Variants in PTPRD observed in about 807,000 individuals in gnomAD.
PTPRD encodes receptor-type tyrosine-protein phosphatase delta.
A neutral mutation model predicts 214.5 loss-of-function variants in PTPRD; 34 were observed. That is an observed-to-expected ratio of 0.16 (90% CI 0.12 to 0.21). The LOEUF (loss-of-function observed/expected upper bound fraction) is 0.21. Among genes scored for constraint, PTPRD ranks in the 10% least tolerant of loss-of-function variants. The pLI is 1.00. For synonymous variants in PTPRD, 1,128 were observed against 845.7 expected (o/e 1.33, Z -5.79); for missense variants, 2,545 against 2,398.7 (o/e 1.06, Z -1.27).
chr9:10,045,940 A>T (rs1013134071), intron 3 of PTPRD, among the ~76,000 whole-genome samples: 1 of 151,820 alleles, frequency 6.6e-6, no homozygotes, highest in African/African-American at 2.4e-5. Flanking sequence ...GAAAATCGTC[A>T]ATTAAAACTA....
At chr9:10,361,072 A>C (rs372679245) in intron 2 of PTPRD, among the ~76,000 whole-genome samples, 2 of 152,178 alleles carry the variant, frequency 1.3e-5, no homozygotes, top group African/African-American at 2.4e-5. Context: ...ACTGCACTCC[A>C]GCCTGGGCGA....
At chr9:8,980,631 T>G (rs540456406) in intron 11 of PTPRD, among the ~76,000 whole-genome samples, 1 of 152,256 alleles carries the variant, frequency 6.6e-6, no homozygotes, top group East Asian at 1.9e-4. Flanking sequence ...AGTTACATTT[T>G]CCTAAACAGA....
intron 9 of PTPRD, among the ~76,000 whole-genome samples, chr9:9,221,575 T>G (rs879272685): frequency 1.3e-5 from 2 of 152,018 alleles, no homozygotes; most frequent in Non-Finnish European, 2.9e-5. Flanking sequence ...TCTCCTTGTG[T>G]GCTCCATGGC....
intron 8 of PTPRD, among the ~76,000 whole-genome samples, chr9:9,492,602 T>A (rs760419228): frequency 1.3e-5 from 2 of 152,040 alleles, no homozygotes; most frequent in African/African-American, 4.8e-5. Flanking sequence ...AAATTCATCA[T>A]CTTTTCATAA....
chr9:9,178,364 C>T (rs2099926206), intron 10 of PTPRD, among the ~76,000 whole-genome samples: 1 of 151,108 alleles, frequency 6.6e-6, no homozygotes. Context: ...TCACTTCCTC[C>T]TTCCTTCTTT....
rs535005258 is a variant in PTPRD at position 9,619,286 on chromosome 9, T to G, written c.-286-44505A>C. Among the ~76,000 whole-genome samples the G allele has an allele frequency of 2.6e-5, 4 of 151,934 alleles. No homozygotes were observed. The South Asian group carries it at 6.2e-4, about 24-fold the overall frequency. Reference sequence around the variant, plus strand: ...TTGAAATGAAGTTGCAGTATCATTTTGAGACTAGACGATTAAGATACAGGA... The same window carrying G: ...TTGAAATGAAGTTGCAGTATCATTTGGAGACTAGACGATTAAGATACAGGA... On this transcript the variant is annotated intron_variant, in intron 7 of 45. Coordinates refer to ENST00000381196, the MANE Select transcript of PTPRD (RefSeq NM_002839.4).
At chr9:8,830,090 T>C (rs891265770) in intron 11 of PTPRD, among the ~76,000 whole-genome samples, 1 of 152,166 alleles carries the variant, frequency 6.6e-6, no homozygotes, top group Non-Finnish European at 1.5e-5. Context: ...TCCTTACATT[T>C]ATTAACTCTT....
At chr9:10,184,101 A>G (rs1260973644) in intron 3 of PTPRD, among the ~76,000 whole-genome samples, 1 of 152,204 alleles carries the variant, frequency 6.6e-6, no homozygotes, top group Non-Finnish European at 1.5e-5. Context: ...AAACCTTTCA[A>G]TAATGAGATG....
chr9:8,353,884 GTATATATGTATATATGTA>G (rs1564201112), intron 39 of PTPRD, among the ~76,000 whole-genome samples: 1 of 135,648 alleles, frequency 7.4e-6, no homozygotes, highest in African/African-American at 3.0e-5. Flanking sequence ...GTATATATGT[GTATATATGTATATATGTA>G]TATATGTGTA....
At chr9:9,986,255 G>A (rs558166027) in intron 4 of PTPRD, among the ~76,000 whole-genome samples, 1 of 152,088 alleles carries the variant, frequency 6.6e-6, no homozygotes, top group East Asian at 1.9e-4. Context: ...TCCACATCTA[G>A]GAAATAACTG....
chr9:8,401,350 A>T (rs926471179), intron 36 of PTPRD, among the ~76,000 whole-genome samples: 3 of 152,032 alleles, frequency 2.0e-5, no homozygotes, highest in African/African-American at 7.2e-5. Flanking sequence ...GAAAATATTT[A>T]TCTTAACTCA....
At position 8,315,520 on chromosome 9, in the gene PTPRD, A is replaced by T. The variant is rs1821169922; in HGVS notation, c.*2354T>A. On this transcript the variant is annotated 3_prime_UTR_variant, in exon 46 of 46. Coordinates refer to ENST00000381196, the MANE Select transcript of PTPRD (RefSeq NM_002839.4). ...TTGGATAAATCTCCAAAAAGATACA[A>T]ACTAAAAGAAAATAATGATAACAGA... The T allele has an allele frequency of 1.3e-5, 3 of 231,912 alleles. No individual in the cohort carries two copies. The highest frequency in any genetic ancestry group is 6.6e-5 in the African/African-American group (3 of 45,244). 14.4% of individuals were successfully genotyped at this position (231,912 alleles called of 1,614,324 possible). A position where few individuals can be genotyped will look rare whatever the true frequency, so the allele number is the denominator to read the frequency against.
intron 2 of PTPRD, among the ~76,000 whole-genome samples, chr9:10,451,012 GCC>G (rs2098838088): frequency 2.0e-5 from 3 of 151,908 alleles, no homozygotes; most frequent in Admixed American, 2.0e-4. Flanking sequence ...GTTTGTAAAT[GCC>G]ACTTAATAAC....
chr9:10,568,054 G>T (rs1445702495), intron 2 of PTPRD, among the ~76,000 whole-genome samples: 1 of 151,342 alleles, frequency 6.6e-6, no homozygotes, highest in African/African-American at 2.4e-5. Flanking sequence ...CCATGTTGGT[G>T]TGCTGCACCC....
intron 2 of PTPRD, among the ~76,000 whole-genome samples, chr9:10,540,025 G>T (rs147429577): frequency 6.6e-6 from 1 of 152,130 alleles, no homozygotes; most frequent in African/African-American, 2.4e-5. Flanking sequence ...TATGTTTGTT[G>T]GTTTGTTTAT....
intron 4 of PTPRD, among the ~76,000 whole-genome samples, chr9:9,967,551 C>A (rs776538704): frequency 6.6e-6 from 1 of 152,122 alleles, no homozygotes; most frequent in African/African-American, 2.4e-5. Flanking sequence ...TCAATCCTTA[C>A]AGTGACCATA....
rs146906299 is a variant in PTPRD, at chr9:10,452,678, G to A, written c.-599-111661C>T. On this transcript the variant is annotated intron_variant, in intron 2 of 45. Coordinates refer to ENST00000381196, the MANE Select transcript of PTPRD (RefSeq NM_002839.4). Reference sequence around the variant, plus strand: ...TCAGATTATTCATTTGTTTCATTTCGTTTTGTTAGCTATTGAGTTGTATGA... The same window carrying A: ...TCAGATTATTCATTTGTTTCATTTCATTTTGTTAGCTATTGAGTTGTATGA... 1.9e-3 allele frequency among the ~76,000 whole-genome samples: 287 copies of A among 151,632 alleles called. 1 individual carries two copies. Among genetic ancestry groups the A allele is most frequent in the African/African-American group, 6.1e-3 (253 of 41,438 alleles).
intron 34 of PTPRD, among the ~76,000 whole-genome samples, chr9:8,440,560 G>A (rs1014623723): frequency 6.6e-6 from 1 of 152,184 alleles, no homozygotes; most frequent in Non-Finnish European, 1.5e-5. Context: ...TGATCCGCCT[G>A]CCTCGGGCTC....
intron 3 of PTPRD, among the ~76,000 whole-genome samples, chr9:10,340,448 T>C (rs1294346986): frequency 6.6e-6 from 1 of 151,894 alleles, no homozygotes; most frequent in African/African-American, 2.4e-5. Context: ...ATATACTATT[T>C]GTATTGGTCT....
Sources: allele counts gnomAD v4.1 joint callset (sites outside exome capture counted in the v4.1 genomes callset), GRCh38; gene constraint gnomAD v4.1.1; transcripts MANE v1.5; gene names NCBI Gene and HGNC (gene_info 2026-07-23, HGNC 2026-07-21).